PRELID2: variants seen among roughly 807,000 people sequenced by gnomAD.
PRELID2 encodes PRELI domain-containing protein 2.
A neutral mutation model predicts 28.4 loss-of-function variants in PRELID2; 25 were observed. The observed-to-expected ratio is 0.88, with a 90% confidence interval of 0.64 to 1.23. The LOEUF (loss-of-function observed/expected upper bound fraction) is 1.23, where lower values mean the gene tolerates loss of function less well. PRELID2 is among the 50% of genes most tolerant of loss of function. The pLI, the probability that PRELID2 is intolerant of heterozygous loss-of-function variation, is 0.00. For missense variants in PRELID2, 201 were observed against 214.4 expected, an observed-to-expected ratio of 0.94 and a Z score of 0.39; for synonymous variants, 76 against 71.6, an observed-to-expected ratio of 1.06 and a Z score of -0.31.
intron 1 of PRELID2, among the ~76,000 whole-genome samples, chr5:145,649,409 C>T (rs370407250): frequency 1.3e-5 from 2 of 152,178 alleles, no homozygotes; most frequent in Non-Finnish European, 2.9e-5. Flanking sequence ...TAATTTTGCC[C>T]AGCTGTAAGC....
At chr5:145,635,646 T>C (rs1369465909) in intron 1 of PRELID2, among the ~76,000 whole-genome samples, 2 of 152,228 alleles carry the variant, frequency 1.3e-5, no homozygotes, top group Non-Finnish European at 2.9e-5. Flanking sequence ...TTGGCCACTT[T>C]GAGTGTGCAG....
At chr5:145,405,702 GT>G in the PRELID2 span, among the ~76,000 whole-genome samples, 1,920 of 54,582 alleles carry the variant, frequency 0.035, 13 homozygotes, top group African/African-American at 0.065. Context: ...CCACATAGTT[GT>G]TTTTTTTTTT....
At chr5:145,580,072 TA>T (rs1753094636) in intron 1 of PRELID2, among the ~76,000 whole-genome samples, 1 of 152,124 alleles carries the variant, frequency 6.6e-6, no homozygotes, top group Non-Finnish European at 1.5e-5. Context: ...AGAAATATTT[TA>T]TGTTAGGCTG....
intron 4 of PRELID2, among the ~76,000 whole-genome samples, chr5:145,799,240 A>C (rs942603775): frequency 6.6e-6 from 1 of 151,026 alleles, no homozygotes; most frequent in South Asian, 2.1e-4. Flanking sequence ...AAAAAAAAAA[A>C]AACCTACAAG....
chr5:145,357,807 TAA>T, the PRELID2 span, among the ~76,000 whole-genome samples: 1 of 152,102 alleles, frequency 6.6e-6, no homozygotes. Context: ...TGTTTGGAGT[TAA>T]AAAAACACTC....
chr5:145,438,706 T>C, the PRELID2 span, among the ~76,000 whole-genome samples: 1 of 152,156 alleles, frequency 6.6e-6, no homozygotes, highest in Non-Finnish European at 1.5e-5. Flanking sequence ...TATAATTTAC[T>C]CATTTCCACC....
chr5:145,238,064 C>G, the PRELID2 span, among the ~76,000 whole-genome samples: 1 of 152,092 alleles, frequency 6.6e-6, no homozygotes, highest in African/African-American at 2.4e-5. Context: ...AAGACCTACC[C>G]TCCAACAACC....
At chr5:145,306,507 TAAAAG>T in the PRELID2 span, among the ~76,000 whole-genome samples, 39 of 152,182 alleles carry the variant, frequency 2.6e-4, no homozygotes, top group Non-Finnish European at 2.8e-4. Flanking sequence ...ATTAGTTACT[TAAAAG>T]AAAAACATTT....
intron 2 of PRELID2, among the ~76,000 whole-genome samples, chr5:145,820,881 G>T (rs1220371909): frequency 6.6e-6 from 1 of 152,164 alleles, no homozygotes; most frequent in Non-Finnish European, 1.5e-5. Context: ...GAAAGTACCA[G>T]TTAGAAGACA....
chr5:145,719,822 A>G (rs573879934), intron 1 of PRELID2, among the ~76,000 whole-genome samples: 26 of 152,032 alleles, frequency 1.7e-4, no homozygotes, highest in African/African-American at 5.8e-4. Flanking sequence ...CAATACCCCA[A>G]ACTAAATCCA....
At chr5:145,279,069 C>T in the PRELID2 span, among the ~76,000 whole-genome samples, 5,542 of 152,144 alleles carry the variant, frequency 0.036, 341 homozygotes, top group African/African-American at 0.13. Context: ...CTTTTTTAAA[C>T]CCATAATATA....
At chr5:145,639,588 A>G (rs1422456389) in intron 1 of PRELID2, among the ~76,000 whole-genome samples, 1 of 152,198 alleles carries the variant, frequency 6.6e-6, no homozygotes, top group Non-Finnish European at 1.5e-5. Context: ...CCTCAATGTC[A>G]TATTACAGCC....
the PRELID2 span, among the ~76,000 whole-genome samples, chr5:145,246,703 C>T: frequency 3.9e-5 from 6 of 152,216 alleles, no homozygotes; most frequent in East Asian, 1.9e-4. Context: ...CACTGCTCTA[C>T]GAGACGGAAA....
chr5:145,399,675 A>G, the PRELID2 span, among the ~76,000 whole-genome samples: 1 of 151,978 alleles, frequency 6.6e-6, no homozygotes, highest in African/African-American at 2.4e-5. Context: ...TGCATTAATT[A>G]CTCCGTTTTC....
intron 1 of PRELID2, among the ~76,000 whole-genome samples, chr5:145,721,560 A>T (rs1411009386): frequency 1.3e-5 from 2 of 152,162 alleles, no homozygotes; most frequent in Non-Finnish European, 2.9e-5. Context: ...GTAATTTTAT[A>T]AAAACTACAA....
chr5:145,375,071 C>T, the PRELID2 span, among the ~76,000 whole-genome samples: 2,486 of 152,124 alleles, frequency 0.016, 37 homozygotes, highest in Non-Finnish European at 0.026. Context: ...TCTGGCCTTT[C>T]GGGTTTTCAG....
At chr5:145,587,872 G>C (rs778571162) in intron 1 of PRELID2, among the ~76,000 whole-genome samples, 68 of 152,298 alleles carry the variant, frequency 4.5e-4, no homozygotes, top group Admixed American at 1.1e-3. Context: ...GGCCACTGGG[G>C]TACCTCTGAG....
At chr5:145,338,313 C>T in the PRELID2 span, 1 of 152,238 alleles carries the variant, frequency 6.6e-6, no homozygotes, top group East Asian at 1.9e-4. Context: ...GCAGTGTGTG[C>T]ACTTGGACTA....
chr5:145,747,940 CT>C (rs1757034279), intron 1 of PRELID2, among the ~76,000 whole-genome samples: 1 of 152,092 alleles, frequency 6.6e-6, no homozygotes, highest in South Asian at 2.1e-4. Flanking sequence ...CAGAAAAGGC[CT>C]TTGATAAAAT....
Sources: allele counts gnomAD v4.1 joint callset (sites outside exome capture counted in the v4.1 genomes callset), GRCh38; gene constraint gnomAD v4.1.1; transcripts MANE v1.5; gene names NCBI Gene and HGNC (gene_info 2026-07-23, HGNC 2026-07-21).